Variants in TBX4 observed in about 807,000 individuals in gnomAD.
TBX4 encodes the protein T-box transcription factor TBX4.
Under a neutral mutation model 54.6 loss-of-function variants are expected in TBX4, and 13 were observed. The ratio of observed to expected loss-of-function variants is 0.24; its 90% CI spans 0.15 to 0.38. The LOEUF is 0.38. TBX4 is among the 10% of genes least tolerant of loss of function. The probability of loss-of-function intolerance (pLI) is 1.00; values close to 1 mark genes in which losing one functional copy is unlikely to be tolerated. For synonymous variants in TBX4, 314 were observed against 306.7 expected, an observed-to-expected ratio of 1.02 and a Z score of -0.25; for missense variants, 631 against 728.5, an observed-to-expected ratio of 0.87 and a Z score of 1.54.
At chr17:61,477,941 CAA>C (rs10617980) in intron 5 of TBX4, among the ~76,000 whole-genome samples, 15,392 of 88,180 alleles carry the variant, frequency 0.17, 399 homozygotes, top group Middle Eastern at 0.24. Flanking sequence ...GATTCCATCT[CAA>C]AAAAAAAAAA....
chr17:61,465,651 C>T lies in TBX4; in HGVS notation c.282-168C>T, dbSNP rs1373040378. On this transcript the variant is annotated intron_variant, in intron 3 of 8. Coordinates refer to ENST00000644296, the MANE Select transcript of TBX4 (RefSeq NM_001321120.2). The surrounding 1 kb of genome is among the most constrained non-coding windows in gnomAD (Gnocchi z 4.9). ...AGTGCCACCTTTTCACTGTGCAGCT[C>T]GGGCAGAGGGGGAAGTGAGTTGTGC... 2.6e-5 allele frequency: 22 copies of T among 831,304 alleles called. 1 individual carries two copies. The South Asian group carries it at 2.8e-4, about 11-fold the overall frequency. The allele number at this position is 831,304 out of a possible 1,614,324, so 51.5% of individuals were successfully genotyped here.
At position 61,462,661 on chromosome 17, in the gene TBX4, C is replaced by G. The variant is rs2060504976; in HGVS notation, c.282-3158C>G. Among the ~76,000 whole-genome samples, 2 of 152,210 alleles carry G rather than the reference C, an allele frequency of 1.3e-5. No individual in the cohort carries two copies. Among genetic ancestry groups the G allele is most frequent in the South Asian group, 4.1e-4 (2 of 4,836 alleles). On this transcript the variant is annotated intron_variant, in intron 3 of 8. Coordinates refer to ENST00000644296, the MANE Select transcript of TBX4 (RefSeq NM_001321120.2). The surrounding 1 kb of genome is among the most constrained non-coding windows in gnomAD (Gnocchi z 4.5). ...TCACCGCCAGCGCTGGTGGCAGGGC[C>G]TGCGTGGACACAGGCGGCACACACA...
At position 61,456,628 on chromosome 17, in the gene TBX4, C is replaced by T. The variant is rs923153057; in HGVS notation, c.138C>T (p.Ser46=). 17 of 1,358,070 alleles carry T rather than the reference C, an allele frequency of 1.3e-5. No homozygotes were observed. In the African/African-American group the frequency reaches 1.8e-4, roughly 15 times the overall value. 84.1% of individuals were successfully genotyped at this position (1,358,070 alleles called of 1,614,324 possible). ...APGLSGAALG[S]PPGPGADVVA... ...GCCTCAGCGGAGCCGCGCTAGGCAG[C>T]CCCCCGGGACCCGGGGCCGACGTCG... The change falls in exon 2 of 9, where the codon AGC becomes AGT. Residue 46 remains serine (S), a synonymous_variant. Coordinates refer to ENST00000644296, the MANE Select transcript of TBX4 (RefSeq NM_001321120.2).
At chr17:61,482,723 G>A (rs2060672802) in intron 8 of TBX4, among the ~76,000 whole-genome samples, 174 bp from the exon 9 acceptor site, 1 of 152,192 alleles carries the variant, frequency 6.6e-6, no homozygotes. Flanking sequence ...CCACTTCTTG[G>A]TGCCTGCAAC....
rs756174674 is a variant in TBX4, at chr17:61,479,997, C to T, written c.791+28C>T. 9 of 1,612,686 alleles carry T rather than the reference C, an allele frequency of 5.6e-6. No homozygotes were observed. The South Asian group carries it at 6.6e-5, about 12-fold the overall frequency. ...GGGGCTGCGTAGCCTGGGGGTGGGG[C>T]GGGCAGATGGGATTCAGGCACGTGG... is the stretch of plus-strand genomic sequence containing the variant. On this transcript the variant is annotated intron_variant, in intron 7 of 8. Coordinates refer to ENST00000644296, the MANE Select transcript of TBX4 (RefSeq NM_001321120.2). The surrounding 1 kb of genome is among the most constrained non-coding windows in gnomAD (Gnocchi z 6.1).
Position 61,484,972 on chromosome 17 carries a change from A to ATATATAT in TBX4, c.*1456_*1457insTATATAT, listed in dbSNP as rs1555884113. On this transcript the variant is annotated 3_prime_UTR_variant, in exon 9 of 9. Transcript: ENST00000644296. The surrounding 1 kb of genome is among the most constrained non-coding windows in gnomAD (Gnocchi z 4.1). ...TATATATATATATATATATATATAT[A>ATATATAT]AACACACACACACTACAGATAAGGC... 6.8e-6 allele frequency: 1 copy of ATATATAT among 147,986 alleles called. No homozygotes were observed. Among genetic ancestry groups the ATATATAT allele is most frequent in the Non-Finnish European group, 1.5e-5 (1 of 67,110 alleles). The allele number at this position is 147,986 out of a possible 1,614,324, so 9.2% of individuals were successfully genotyped here.
chr17:61,472,674 C>T lies in TBX4; in HGVS notation c.549+5017C>T, dbSNP rs935320327. 1.3e-5 allele frequency among the ~76,000 whole-genome samples: 2 copies of T among 152,168 alleles called. No homozygotes were observed. Among genetic ancestry groups the T allele is most frequent in the Non-Finnish European group, 2.9e-5 (2 of 68,024 alleles). On this transcript the variant is annotated intron_variant, in intron 5 of 8. Transcript: ENST00000644296. The surrounding 1 kb of genome is among the most constrained non-coding windows in gnomAD (Gnocchi z 4.5). ...GATTTTGAGTTATTGAAAGCCCTAA[C>T]CCCCCTCCTTACTTATAAGGGACTT...
Position 61,476,010 on chromosome 17 carries a change from C to T in TBX4, c.550-2617C>T, listed in dbSNP as rs1202121904. On this transcript the variant is annotated intron_variant, in intron 5 of 8. Coordinates refer to ENST00000644296, the MANE Select transcript of TBX4 (RefSeq NM_001321120.2). This position sits in a 1 kb window ranked among gnomAD's most constrained non-coding sequence, Gnocchi z 6.5. ...AGAGGAGGGGACTTGCCCACGTTCC[C>T]ACGGAGGGTTTGTGGTCGTGGCCCA... 1.3e-5 allele frequency among the ~76,000 whole-genome samples: 2 copies of T among 152,168 alleles called. No individual in the cohort carries two copies. Among genetic ancestry groups the T allele is most frequent in the Non-Finnish European group, 2.9e-5 (2 of 68,030 alleles).
At chr17:61,470,129 T>A (rs2060566489) in intron 5 of TBX4, among the ~76,000 whole-genome samples, 1 of 152,068 alleles carries the variant, frequency 6.6e-6, no homozygotes, top group Non-Finnish European at 1.5e-5. Flanking sequence ...CTCATGAGAG[T>A]GGCTGTGGTA....
At chr17:61,477,805 A>T (rs1398636721) in intron 5 of TBX4, among the ~76,000 whole-genome samples, 2 of 152,062 alleles carry the variant, frequency 1.3e-5, no homozygotes, top group Non-Finnish European at 2.9e-5. Context: ...GCTGGGAATG[A>T]TGGAGCACAC....
rs1302033647 is a variant in TBX4, at chr17:61,462,176, A to C, written c.282-3643A>C. On this transcript the variant is annotated intron_variant, in intron 3 of 8. Coordinates refer to ENST00000644296, the MANE Select transcript of TBX4 (RefSeq NM_001321120.2). This position sits in a 1 kb window ranked among gnomAD's most constrained non-coding sequence, Gnocchi z 4.5. Reference sequence around the variant, plus strand: ...AACGTCCGAGGAAGCTTATCTTAGCAGTTCATTCTAAAGCCATTTCCGAGT... The same window carrying C: ...AACGTCCGAGGAAGCTTATCTTAGCCGTTCATTCTAAAGCCATTTCCGAGT... 6.6e-6 allele frequency among the ~76,000 whole-genome samples: 1 copy of C among 152,088 alleles called. No homozygotes were observed. The highest frequency in any genetic ancestry group is 1.5e-5 in the Non-Finnish European group (1 of 68,044).
rs2060635630 is a variant in TBX4, at chr17:61,478,152, C to T, written c.550-475C>T. On this transcript the variant is annotated intron_variant, in intron 5 of 8. Transcript: ENST00000644296. The surrounding 1 kb of genome is among the most constrained non-coding windows in gnomAD (Gnocchi z 7.4). ...GAGAAGAGGTGAGGCTGGAGGGGGA[C>T]CCCTGAGGGAGGGAGGTTACATGTT... is the stretch of plus-strand genomic sequence containing the variant. Among the ~76,000 whole-genome samples, 1 of 151,966 alleles carries T rather than the reference C, an allele frequency of 6.6e-6. No individual in the cohort carries two copies. Among genetic ancestry groups the T allele is most frequent in the Admixed American group, 6.6e-5 (1 of 15,258 alleles).
chr17:61,470,351 C>T (rs2060568204), intron 5 of TBX4, among the ~76,000 whole-genome samples: 2 of 152,196 alleles, frequency 1.3e-5, no homozygotes, highest in African/African-American at 4.8e-5. Flanking sequence ...TCCTATCATT[C>T]AAGATTCCTT....
intron 5 of TBX4, among the ~76,000 whole-genome samples, chr17:61,473,481 C>G (rs1603253374): frequency 6.6e-6 from 1 of 152,190 alleles, no homozygotes; most frequent in East Asian, 1.9e-4. Context: ...GGGCAGATGT[C>G]CCCCCAAAGC....
rs891690243 is a variant in TBX4, at chr17:61,457,759, A to C, written c.281+128A>C. 2 of 856,194 alleles carry C rather than the reference A, an allele frequency of 2.3e-6. No individual in the cohort carries two copies. Among genetic ancestry groups the C allele is most frequent in the African/African-American group, 3.4e-5 (2 of 59,632 alleles). The allele number at this position is 856,194 out of a possible 1,614,324, so 53.0% of individuals were successfully genotyped here. A position where few individuals can be genotyped will look rare whatever the true frequency, so the allele number is the denominator to read the frequency against. On this transcript the variant is annotated intron_variant, in intron 3 of 8. Coordinates refer to ENST00000644296, the MANE Select transcript of TBX4 (RefSeq NM_001321120.2). The surrounding 1 kb of genome is among the most constrained non-coding windows in gnomAD (Gnocchi z 8.2). Reference sequence around the variant, plus strand: ...AGGCCTCTCTGCCTCCTCGGGCGTCAGTGCCACCTCCCTTCGCAGCTTGGG... The same window carrying C: ...AGGCCTCTCTGCCTCCTCGGGCGTCCGTGCCACCTCCCTTCGCAGCTTGGG...
Position 61,479,768 on chromosome 17 carries a change from A to T in TBX4, c.703-113A>T. The T allele has an allele frequency of 8.9e-7, 1 of 1,127,386 alleles. No individual in the cohort carries two copies. Among genetic ancestry groups the T allele is most frequent in the Non-Finnish European group, 1.3e-6 (1 of 742,166 alleles). 69.8% of individuals were successfully genotyped at this position (1,127,386 alleles called of 1,614,324 possible). A position where few individuals can be genotyped will look rare whatever the true frequency, so the allele number is the denominator to read the frequency against. Reference sequence around the variant, plus strand: ...GGGTAGTGAGAAGCGGTGAGGCTGGAGAGCGACCCCTGAGGGAGGGAGGTT... The same window carrying T: ...GGGTAGTGAGAAGCGGTGAGGCTGGTGAGCGACCCCTGAGGGAGGGAGGTT... On this transcript the variant is annotated intron_variant, in intron 6 of 8. Transcript: ENST00000644296. This position sits in a 1 kb window ranked among gnomAD's most constrained non-coding sequence, Gnocchi z 6.1.
At chr17:61,466,681 C>T (rs1401811919) in intron 4 of TBX4, among the ~76,000 whole-genome samples, 3 of 152,066 alleles carry the variant, frequency 2.0e-5, no homozygotes, top group Non-Finnish European at 4.4e-5. Context: ...TTGGTGGCCA[C>T]GTCCTGGCAA....
rs1197666280 is a variant in TBX4, at chr17:61,459,290, TGTCC to T, written c.281+1660_281+1663del. Among the ~76,000 whole-genome samples the T allele has an allele frequency of 6.6e-6, 1 of 152,230 alleles. No individual in the cohort carries two copies. Among genetic ancestry groups the T allele is most frequent in the African/African-American group, 2.4e-5 (1 of 41,458 alleles). On this transcript the variant is annotated intron_variant, in intron 3 of 8. Coordinates refer to ENST00000644296, the MANE Select transcript of TBX4 (RefSeq NM_001321120.2). The surrounding 1 kb of genome is among the most constrained non-coding windows in gnomAD (Gnocchi z 4.8). ...AAATGGTGACCGTAGACCTATCTGC[TGTCC>T]CTTCCTTTTCTATCACTGTGAAACT... is the stretch of plus-strand genomic sequence containing the variant.
At chr17:61,468,122 T>G (rs1043345808) in intron 5 of TBX4, among the ~76,000 whole-genome samples, 4 of 152,192 alleles carry the variant, frequency 2.6e-5, no homozygotes, top group African/African-American at 9.6e-5. Context: ...ACGGATATGT[T>G]CCAAAGCCCC....
Sources: allele counts gnomAD v4.1 joint callset (sites outside exome capture counted in the v4.1 genomes callset), GRCh38; gene constraint gnomAD v4.1.1; non-coding constraint Gnocchi (gnomAD v3.1); transcripts MANE v1.5; gene names NCBI Gene and HGNC (gene_info 2026-07-23, HGNC 2026-07-21).